INTS3: variants seen among roughly 807,000 people sequenced by gnomAD.
The protein encoded by INTS3 is SOSS complex subunit A.
INTS3 carries 34 observed loss-of-function variants against 146.3 expected under a neutral mutation model. The ratio of observed to expected loss-of-function variants is 0.23; its 90% CI spans 0.18 to 0.31. INTS3 has a LOEUF of 0.31. INTS3 is among the 10% of genes least tolerant of loss of function. The pLI is 1.00. For missense variants in INTS3, 757 were observed against 1,304.2 expected (o/e 0.58, Z 6.46); for synonymous variants, 475 against 494.9 (o/e 0.96, Z 0.53).
intron 13 of INTS3, 192 bp from the exon 14 acceptor site, chr1:153,761,378 T>TAATCCTA (rs1672376265): frequency 1.8e-6 from 1 of 563,144 alleles, no homozygotes; most frequent in Admixed American, 3.2e-5. Context: ...GGTGTGATGG[T>TAATCCTA]GCACACCTGT....
chr1:153,752,246 T>C (rs1482193048), intron 7 of INTS3, 33 bp from the exon 8 acceptor site: 1 of 1,608,868 alleles, frequency 6.2e-7, no homozygotes, highest in Non-Finnish European at 8.5e-7. Flanking sequence ...TTTTATTCTC[T>C]TTCCTGTCCC....
intron 1 of INTS3, among the ~76,000 whole-genome samples, chr1:153,729,882 A>AAC: frequency 6.6e-6 from 1 of 151,112 alleles, no homozygotes; most frequent in East Asian, 1.9e-4. Flanking sequence ...AAAAAAAAAA[A>AAC]GAATATGAGA....
chr1:153,764,058 G>C, intron 17 of INTS3, 60 bp from the exon 18 acceptor site: 1 of 1,421,310 alleles, frequency 7.0e-7, no homozygotes, highest in Non-Finnish European at 1.0e-6. Context: ...GACTGGGATC[G>C]TGGGGGCAGG....
intron 19 of INTS3, 94 bp downstream of exon 19, chr1:153,764,828 T>C: frequency 6.5e-7 from 1 of 1,537,178 alleles, no homozygotes; most frequent in Non-Finnish European, 9.0e-7. Flanking sequence ...GGACTCGCTT[T>C]CCAGGGAGGA....
intron 3 of INTS3, among the ~76,000 whole-genome samples, chr1:153,744,419 T>TA (rs1671651721): frequency 6.6e-6 from 1 of 152,210 alleles, no homozygotes; most frequent in Non-Finnish European, 1.5e-5. Context: ...TTCTGTGACT[T>TA]ACCTCCAGGG....
At chr1:153,744,481 T>G (rs1671653266) in intron 3 of INTS3, among the ~76,000 whole-genome samples, 1 of 152,232 alleles carries the variant, frequency 6.6e-6, no homozygotes, top group African/African-American at 2.4e-5. Flanking sequence ...CTGGGACCCT[T>G]CATCTCTTTC....
chr1:153,773,505 T>C lies in INTS3; in HGVS notation c.*235T>C, dbSNP rs1570891587. On this transcript the variant is annotated 3_prime_UTR_variant, in exon 30 of 30. Transcript: ENST00000318967. ...CCTCACACTGCTGTTCCCAGTGATA[T>C]TTGGGATCTGACTGAAGCCAGAGGC... 3.4e-6 allele frequency: 2 copies of C among 595,178 alleles called. No individual in the cohort carries two copies. The highest frequency in any genetic ancestry group is 2.8e-5 in the East Asian group (1 of 35,874). The allele number at this position is 595,178 out of a possible 1,614,324, so 36.9% of individuals were successfully genotyped here. A position where few individuals can be genotyped will look rare whatever the true frequency, so the allele number is the denominator to read the frequency against.
At chr1:153,761,724 C>T (rs997404884) in intron 14 of INTS3, 48 bp downstream of exon 14, 1 of 1,330,066 alleles carries the variant, frequency 7.5e-7, no homozygotes, top group Admixed American at 1.7e-5. Context: ...AGGGGCAAGA[C>T]AACCAGGCCT....
chr1:153,755,181 T>G (rs1257736462), intron 9 of INTS3, among the ~76,000 whole-genome samples: 1 of 152,150 alleles, frequency 6.6e-6, no homozygotes, highest in African/African-American at 2.4e-5. Flanking sequence ...CAGAATTACT[T>G]GAGCATGTTA....
chr1:153,763,734 CTG>C, intron 16 of INTS3, 96 bp from the exon 17 acceptor site: 1 of 1,035,008 alleles, frequency 9.7e-7, no homozygotes, highest in Admixed American at 2.1e-5. Flanking sequence ...TGTTTTGTCT[CTG>C]TGCATGTGAG....
chr1:153,760,232 C>CA (rs58951043), intron 11 of INTS3, 79 bp from the exon 12 acceptor site: 18,825 of 390,778 alleles, frequency 0.048, 13 homozygotes, highest in South Asian at 0.073. Context: ...GACTCTGTTT[C>CA]AAAAAAAAAA....
At chr1:153,755,683 T>G (rs1672133546) in intron 9 of INTS3, among the ~76,000 whole-genome samples, 1 of 152,216 alleles carries the variant, frequency 6.6e-6, no homozygotes, top group Admixed American at 6.5e-5. Context: ...TGTTCTACTG[T>G]GTGGTAGCCA....
chr1:153,762,254 G>A (rs1672410376), intron 14 of INTS3, among the ~76,000 whole-genome samples: 1 of 152,194 alleles, frequency 6.6e-6, no homozygotes, highest in Non-Finnish European at 1.5e-5. Context: ...TTCAAGACCA[G>A]CCTGGCCAAC....
intron 1 of INTS3, 135 bp from the exon 2 acceptor site, chr1:153,740,516 T>C (rs1175191406): frequency 2.9e-6 from 2 of 680,346 alleles, no homozygotes; most frequent in African/African-American, 3.5e-5. Context: ...TTTATCCTCA[T>C]GGTGACTTTA....
intron 9 of INTS3, among the ~76,000 whole-genome samples, chr1:153,756,990 G>A (rs1360124867): frequency 2.6e-5 from 4 of 152,080 alleles, no homozygotes; most frequent in African/African-American, 4.8e-5. Flanking sequence ...TCTGACAGTT[G>A]GGGGAATATA....
At chr1:153,751,066 A>G in intron 6 of INTS3, 29 bp from the exon 7 acceptor site, 1 of 1,612,876 alleles carries the variant, frequency 6.2e-7, no homozygotes, top group Non-Finnish European at 8.5e-7. Flanking sequence ...TAGACAGAGC[A>G]TAGGAGCCAG....
rs1298733493 is a variant in INTS3 at position 153,761,681 on chromosome 1, G to A, written c.1516+5G>A. 6.3e-7 allele frequency: 1 copy of A among 1,598,198 alleles called. No homozygotes were observed. The highest frequency in any genetic ancestry group is 8.6e-7 in the Non-Finnish European group (1 of 1,165,592). On this transcript the variant is annotated splice_donor_5th_base_variant and intron_variant, in intron 14 of 29. Coordinates refer to ENST00000318967, the MANE Select transcript of INTS3 (RefSeq NM_023015.5). Reference sequence around the variant, plus strand: ...CACCCTCCCCACCTGTGGAAGGTATGAGGCCCGCCCATTCCATCACCTGTG... The same window carrying A: ...CACCCTCCCCACCTGTGGAAGGTATAAGGCCCGCCCATTCCATCACCTGTG...
In INTS3 at chr1:153,752,425, G is replaced by A; in HGVS notation, c.859+17G>A. The A allele has an allele frequency of 6.3e-7, 1 of 1,598,650 alleles. No individual in the cohort carries two copies. The highest frequency in any genetic ancestry group is 8.5e-7 in the Non-Finnish European group (1 of 1,174,254). ...AGTTCACAGGTAAGTAGGGTCTTAG[G>A]CATCCTGTCCTTGAGAGCTGGGAGT... is the stretch of plus-strand genomic sequence containing the variant. On this transcript the variant is annotated intron_variant, in intron 8 of 29. Transcript: ENST00000318967.
intron 5 of INTS3, 196 bp from the exon 6 acceptor site, chr1:153,748,493 C>G: frequency 1.5e-6 from 1 of 646,770 alleles, no homozygotes; most frequent in South Asian, 1.8e-5. Context: ...AATTCAGAAC[C>G]TTCCCTTTCC....
Sources: gnomAD v4.1 joint callset for allele counts (sites outside exome capture counted in the v4.1 genomes callset) on GRCh38, gnomAD v4.1.1 for gene constraint, MANE v1.5 for transcripts, NCBI Gene and HGNC (gene_info 2026-07-23, HGNC 2026-07-21) for gene names.